Variants in FANCC observed in about 807,000 individuals in gnomAD.
FANCC encodes the protein FA complementation group C, also known as Fanconi anemia group C protein.
A neutral mutation model predicts 71.3 loss-of-function variants in FANCC; 55 were observed. The observed-to-expected ratio is 0.77, with a 90% confidence interval of 0.62 to 0.97. The LOEUF (loss-of-function observed/expected upper bound fraction) is 0.97, where lower values mean the gene tolerates loss of function less well. Ranked by LOEUF, FANCC falls within the 50% of genes least tolerant of loss-of-function variation. The pLI is 0.00. For synonymous variants in FANCC, 275 were observed against 244.9 expected (o/e 1.12, Z -1.15); for missense variants, 678 against 670.9 (o/e 1.01, Z -0.12).
chr9:95,203,438 ACC>A, intron 4 of FANCC, among the ~76,000 whole-genome samples: 1 of 151,542 alleles, frequency 6.6e-6, no homozygotes, highest in Non-Finnish European at 1.5e-5. Context: ...AAACCTCGTA[ACC>A]GCAGGCTAAT....
chr9:95,201,353 G>C (rs1827794202), intron 4 of FANCC, among the ~76,000 whole-genome samples: 5 of 152,056 alleles, frequency 3.3e-5, no homozygotes, highest in Admixed American at 3.3e-4. Context: ...CTGCTACTGT[G>C]GCTAACACCA....
intron 4 of FANCC, among the ~76,000 whole-genome samples, chr9:95,178,974 A>T (rs1826180177): frequency 6.6e-6 from 1 of 152,210 alleles, no homozygotes; most frequent in Non-Finnish European, 1.5e-5. Flanking sequence ...TGGTGTTTTT[A>T]ACCAGTGCCC....
At chr9:95,140,279 A>G (rs545759758) in intron 7 of FANCC, among the ~76,000 whole-genome samples, 12 of 152,090 alleles carry the variant, frequency 7.9e-5, no homozygotes, top group Non-Finnish European at 1.2e-4. Flanking sequence ...CCTGGACAGG[A>G]CGCTCTCCCC....
Position 95,126,568 on chromosome 9 carries a change from C to A in FANCC, c.857G>T (p.Cys286Phe). ...IKDSSLPQAA[C>F]HPAIFRVVDE... is the part of the protein sequence containing the mutation. Reference sequence around the variant, plus strand: ...AACAACCCGGAATATGGCAGGGTGGCAGGCTGCTTGAGGCTGTAAAAGGAG... The same window carrying A: ...AACAACCCGGAATATGGCAGGGTGGAAGGCTGCTTGAGGCTGTAAAAGGAG... Residue 286 changes from cysteine to phenylalanine, a missense_variant, in exon 9 of 15, where the codon TGC (cysteine) becomes TTC (phenylalanine). By Grantham distance (205) the Cys-to-Phe change is radical (BLOSUM62 -2). Coordinates refer to ENST00000289081, the MANE Select transcript of FANCC (RefSeq NM_000136.3). 1 of 1,614,038 alleles carries A rather than the reference C, an allele frequency of 6.2e-7. No homozygotes were observed. Among genetic ancestry groups the A allele is most frequent in the Non-Finnish European group, 8.5e-7 (1 of 1,179,954 alleles).
At chr9:95,278,531 T>C (rs1008241292) in intron 1 of FANCC, among the ~76,000 whole-genome samples, 1 of 152,162 alleles carries the variant, frequency 6.6e-6, no homozygotes, top group African/African-American at 2.4e-5. Context: ...TTCTCAAGTA[T>C]GCTTTTCTCA....
intron 6 of FANCC, 55 bp from the exon 7 acceptor site, chr9:95,150,142 G>A: frequency 2.5e-6 from 4 of 1,596,808 alleles, no homozygotes; most frequent in Non-Finnish European, 3.4e-6. Context: ...CATAATTAAG[G>A]ACATATAAAA....
rs1333269409 is a variant in FANCC, at chr9:95,101,655, C to T, written c.*52G>A. ...CCACAGGTCATCACCTGTCCTGTGGCCCTGGCGAGCCTGATCCCTCACGCC... is the reference window on the plus strand; with the variant it reads ...CCACAGGTCATCACCTGTCCTGTGGTCCTGGCGAGCCTGATCCCTCACGCC... On this transcript the variant is annotated 3_prime_UTR_variant, in exon 15 of 15. Transcript: ENST00000289081. 6 of 1,609,124 alleles carry T rather than the reference C, an allele frequency of 3.7e-6. No individual in the cohort carries two copies. In the African/African-American group the frequency reaches 5.3e-5, roughly 14 times the overall value.
At chr9:95,177,078 T>C (rs1826052700) in intron 4 of FANCC, among the ~76,000 whole-genome samples, 1 of 152,262 alleles carries the variant, frequency 6.6e-6, no homozygotes, top group African/African-American at 2.4e-5. Context: ...GCAACTGGGA[T>C]ACATTCTGAG....
chr9:95,252,232 G>A lies in FANCC; in HGVS notation c.-78-2863C>T, dbSNP rs530121752. ...GCAGAGGTTGCAGTGAGCCGAGACC[G>A]CACCATTGCACTGCAGCCTGGGAGA... On this transcript the variant is annotated intron_variant, in intron 1 of 14. Coordinates refer to ENST00000289081, the MANE Select transcript of FANCC (RefSeq NM_000136.3). Among the ~76,000 whole-genome samples, 49 of 121,914 alleles carry A rather than the reference G, an allele frequency of 4.0e-4. No homozygotes were observed. In the South Asian group the frequency reaches 0.011, roughly 26 times the overall value. 80.0% of individuals were successfully genotyped at this position (121,914 alleles called of 152,430 possible).
At chr9:95,188,523 T>C (rs749110385) in intron 4 of FANCC, among the ~76,000 whole-genome samples, 8 of 152,220 alleles carry the variant, frequency 5.3e-5, no homozygotes, top group Non-Finnish European at 7.4e-5. Flanking sequence ...CAGGAGTTCC[T>C]AGAAGGGAGA....
At chr9:95,298,302 C>T (rs1834516626) in intron 1 of FANCC, among the ~76,000 whole-genome samples, 1 of 152,104 alleles carries the variant, frequency 6.6e-6, no homozygotes, top group African/African-American at 2.4e-5. Context: ...TGCCACCATA[C>T]ACTGAAAGGG....
At chr9:95,295,294 A>T (rs1834296345) in intron 1 of FANCC, among the ~76,000 whole-genome samples, 3 of 152,210 alleles carry the variant, frequency 2.0e-5, no homozygotes, top group African/African-American at 7.2e-5. Flanking sequence ...GCATCTGAGA[A>T]GGTGTTAATA....
intron 1 of FANCC, among the ~76,000 whole-genome samples, chr9:95,256,622 C>G (rs143679397): frequency 6.6e-6 from 1 of 152,190 alleles, no homozygotes; most frequent in Non-Finnish European, 1.5e-5. Context: ...TGAAGAAACT[C>G]CATCAACTAA....
Position 95,100,368 on chromosome 9 carries a change from G to A in FANCC, c.*1339C>T, listed in dbSNP as rs144155068. On this transcript the variant is annotated 3_prime_UTR_variant, in exon 15 of 15. Transcript: ENST00000289081. ...TCCTGGAATTTTCCAGATCTTCAGT[G>A]GATCTATTAGCATTGCCACATACCA... 6.2e-4 allele frequency: 143 copies of A among 231,602 alleles called. No individual in the cohort carries two copies. Among genetic ancestry groups the A allele is most frequent in the Non-Finnish European group, 1.0e-3 (118 of 116,988 alleles). The allele number at this position is 231,602 out of a possible 1,614,324, so 14.3% of individuals were successfully genotyped here. A position where few individuals can be genotyped will look rare whatever the true frequency, so the allele number is the denominator to read the frequency against.
chr9:95,195,478 T>C (rs538341898), intron 4 of FANCC, among the ~76,000 whole-genome samples: 14 of 152,254 alleles, frequency 9.2e-5, no homozygotes, highest in African/African-American at 3.4e-4. Context: ...CATCTATGTG[T>C]CCACGCCTCT....
At chr9:95,292,271 C>A in intron 1 of FANCC, 2 of 236,654 alleles carry the variant, frequency 8.5e-6, no homozygotes, top group Non-Finnish European at 1.4e-5. Context: ...CGGAGGTAGA[C>A]CCTATCTCTC....
chr9:95,188,725 C>T (rs148508439), intron 4 of FANCC, among the ~76,000 whole-genome samples: 7 of 152,144 alleles, frequency 4.6e-5, no homozygotes, highest in Non-Finnish European at 7.3e-5. Context: ...ACTGTTACTT[C>T]CTGCAGTTTC....
At chr9:95,161,265 AG>A (rs1352845585) in intron 6 of FANCC, among the ~76,000 whole-genome samples, 1 of 152,192 alleles carries the variant, frequency 6.6e-6, no homozygotes, top group Non-Finnish European at 1.5e-5. Flanking sequence ...TGACTCCAAC[AG>A]GAAGGAGGAA....
chr9:95,254,944 C>A (rs1034471150), intron 1 of FANCC, among the ~76,000 whole-genome samples: 1 of 152,104 alleles, frequency 6.6e-6, no homozygotes, highest in Non-Finnish European at 1.5e-5. Context: ...CCCCTGACAG[C>A]GTAAACAAAG....
Sources: allele counts gnomAD v4.1 joint callset (sites outside exome capture counted in the v4.1 genomes callset), GRCh38; gene constraint gnomAD v4.1.1; transcripts MANE v1.5; gene names NCBI Gene and HGNC (gene_info 2026-07-23, HGNC 2026-07-21).